UNC13B: variants seen among roughly 807,000 people sequenced by gnomAD.
UNC13B encodes the protein unc-13 homolog B.
UNC13B carries 144 observed loss-of-function variants against 211.0 expected under a neutral mutation model. The ratio of observed to expected loss-of-function variants is 0.68; its 90% CI spans 0.60 to 0.78. The LOEUF is 0.78. Ranked by LOEUF, UNC13B falls within the 30% of genes least tolerant of loss-of-function variation. The pLI, the probability that UNC13B is intolerant of heterozygous loss-of-function variation, is 0.00. For missense variants in UNC13B, 1,777 were observed against 2,002.0 expected, an observed-to-expected ratio of 0.89 and a Z score of 2.14; for synonymous variants, 709 against 725.8, an observed-to-expected ratio of 0.98 and a Z score of 0.37.
intron 7 of UNC13B, among the ~76,000 whole-genome samples, chr9:35,267,946 A>G (rs957628173): frequency 4.6e-5 from 7 of 152,202 alleles, no homozygotes; most frequent in African/African-American, 1.7e-4. Flanking sequence ...TGGGAACTCA[A>G]TTATTCTTGC....
chr9:35,323,483 C>A (rs1264558433), intron 11 of UNC13B, among the ~76,000 whole-genome samples: 1 of 152,192 alleles, frequency 6.6e-6, no homozygotes, highest in African/African-American at 2.4e-5. Flanking sequence ...CTTCAAACTT[C>A]ATGGTAAGCC....
At chr9:35,350,922 T>C (rs1468689182) in intron 11 of UNC13B, among the ~76,000 whole-genome samples, 3 of 152,220 alleles carry the variant, frequency 2.0e-5, no homozygotes, top group Non-Finnish European at 2.9e-5. Context: ...GATTTGAGCC[T>C]TGGTGGTTAA....
At chr9:35,223,876 C>G (rs930478607) in intron 1 of UNC13B, among the ~76,000 whole-genome samples, 2 of 152,086 alleles carry the variant, frequency 1.3e-5, no homozygotes, top group Non-Finnish European at 2.9e-5. Flanking sequence ...TATGGATATT[C>G]AGTTTTCCCA....
intron 1 of UNC13B, among the ~76,000 whole-genome samples, chr9:35,184,805 G>A (rs1427893110): frequency 3.4e-3 from 1 of 290 alleles, no homozygotes; most frequent in African/African-American, 0.014. Context: ...AAGAAGCGGG[G>A]GGGGGGGGGG....
At chr9:35,335,452 A>G (rs544435900) in intron 11 of UNC13B, among the ~76,000 whole-genome samples, 164 of 152,302 alleles carry the variant, frequency 1.1e-3, no homozygotes, top group African/African-American at 3.8e-3. Flanking sequence ...AGCCAAAGGG[A>G]AAGAGGTAAG....
chr9:35,303,040 G>A lies in UNC13B; in HGVS notation c.3636G>A (p.Lys1212=). 2.5e-6 allele frequency: 1 copy of A among 398,686 alleles called. No individual in the cohort carries two copies. The highest frequency in any genetic ancestry group is 4.4e-6 in the Non-Finnish European group (1 of 225,774). 24.7% of individuals were successfully genotyped at this position (398,686 alleles called of 1,614,324 possible). The change falls in exon 9 of 40, where the codon AAG becomes AAA. Residue 1212 remains lysine (K), a synonymous_variant. Coordinates refer to ENST00000635942, the MANE Select transcript of UNC13B (RefSeq NM_001371189.2). The stretch of plus-strand genomic sequence containing the variant: ...AGTTCATGTCTTTAGGCAACATGAA[G>A]AGTTTGAATGGAGATAACCATTTAT... ...EAKFMSLGNM[K]SLNGDNHLSL...
At position 35,403,957 on chromosome 9, in the gene UNC13B, A is replaced by C. The variant is rs1471568632; in HGVS notation, c.12947A>C (p.Gln4316Pro). The C allele has an allele frequency of 1.2e-6, 2 of 1,614,096 alleles. No individual in the cohort carries two copies. The highest frequency in any genetic ancestry group is 3.3e-5 in the Admixed American group (2 of 60,028). Reference protein sequence around the residue: ...TGLTILRILSQRSNDEVAREF... With the variant: ...TGLTILRILSPRSNDEVAREF... ...CTGACCATTCTCCGGATTTTATCTC[A>C]GAGGAGCAATGACGAGGTGGCCCGA... The change falls in exon 40 of 40, where the codon CAG (glutamine) becomes CCG (proline). Residue 4316 changes from glutamine (Q) to proline (P), a missense_variant. Coordinates refer to ENST00000635942, the MANE Select transcript of UNC13B (RefSeq NM_001371189.2).
At chr9:35,217,911 G>T (rs1479059321) in intron 1 of UNC13B, among the ~76,000 whole-genome samples, 1 of 152,132 alleles carries the variant, frequency 6.6e-6, no homozygotes, top group Non-Finnish European at 1.5e-5. Context: ...AGGCGTGGTG[G>T]CAGGTACCTA....
intron 11 of UNC13B, among the ~76,000 whole-genome samples, chr9:35,365,757 A>C (rs1046902093): frequency 4.6e-5 from 7 of 152,128 alleles, no homozygotes; most frequent in African/African-American, 1.7e-4. Context: ...TCCCATTACC[A>C]ATATCATCCT....
At chr9:35,345,893 C>T (rs938877801) in intron 11 of UNC13B, among the ~76,000 whole-genome samples, 4 of 152,088 alleles carry the variant, frequency 2.6e-5, no homozygotes, top group Non-Finnish European at 5.9e-5. Flanking sequence ...AGATTGTCTC[C>T]CTTCTTGGAT....
chr9:35,198,218 G>A (rs1823053555), intron 1 of UNC13B, among the ~76,000 whole-genome samples: 1 of 152,218 alleles, frequency 6.6e-6, no homozygotes, highest in Non-Finnish European at 1.5e-5. Context: ...GATCATGGGA[G>A]CGGAGTTCTC....
chr9:35,214,664 T>C (rs1824159773), intron 1 of UNC13B, among the ~76,000 whole-genome samples: 1 of 151,928 alleles, frequency 6.6e-6, no homozygotes, highest in Non-Finnish European at 1.5e-5. Flanking sequence ...AGAAGTTCTC[T>C]AGGGGGGAAA....
intron 7 of UNC13B, among the ~76,000 whole-genome samples, chr9:35,279,762 G>A (rs552641192): frequency 1.3e-5 from 2 of 152,314 alleles, no homozygotes; most frequent in South Asian, 2.1e-4. Context: ...TGCCCACTAT[G>A]GAGGCTGTAC....
chr9:35,260,280 G>A (rs1435094874), intron 7 of UNC13B, among the ~76,000 whole-genome samples: 3 of 152,084 alleles, frequency 2.0e-5, no homozygotes, highest in Non-Finnish European at 4.4e-5. Context: ...TATGCCAGAT[G>A]CCATTCTGAG....
chr9:35,292,048 G>C (rs866898767), intron 7 of UNC13B, among the ~76,000 whole-genome samples: 52 of 152,246 alleles, frequency 3.4e-4, no homozygotes, highest in African/African-American at 1.3e-3. Context: ...GGCATAAATG[G>C]GTTAACAGAG....
chr9:35,349,724 T>G (rs1832596945), intron 11 of UNC13B, among the ~76,000 whole-genome samples: 2 of 152,238 alleles, frequency 1.3e-5, no homozygotes, highest in African/African-American at 4.8e-5. Flanking sequence ...CTTGGCCTAG[T>G]TATTTCTAGT....
At chr9:35,388,201 A>G (rs1835305022) in intron 24 of UNC13B, among the ~76,000 whole-genome samples, 1 of 152,180 alleles carries the variant, frequency 6.6e-6, no homozygotes, top group African/African-American at 2.4e-5. Flanking sequence ...TGAGGTCAGG[A>G]GTTTGAAACT....
intron 14 of UNC13B, among the ~76,000 whole-genome samples, chr9:35,375,520 A>C (rs1834343400): frequency 6.6e-6 from 1 of 152,164 alleles, no homozygotes; most frequent in Non-Finnish European, 1.5e-5. Context: ...ATCAGGTCCA[A>C]CCTGTGTTGG....
rs781304597 is a variant in UNC13B at position 35,349,216 on chromosome 9, G to A, written c.9415-17731G>A. Among the ~76,000 whole-genome samples the A allele has an allele frequency of 7.2e-5, 11 of 152,018 alleles. 1 individual carries two copies. Among genetic ancestry groups the A allele is most frequent in the African/African-American group, 1.4e-4 (6 of 41,400 alleles). ...CAGGCGAGAGCCACCACGCCCAGCC[G>A]CAGTACTTCTTTTTTAAAGACAAAT... is the stretch of plus-strand genomic sequence containing the variant. On this transcript the variant is annotated intron_variant, in intron 11 of 39. Transcript: ENST00000635942.
Sources: allele counts gnomAD v4.1 joint callset (sites outside exome capture counted in the v4.1 genomes callset), GRCh38; gene constraint gnomAD v4.1.1; transcripts MANE v1.5; gene names NCBI Gene and HGNC (gene_info 2026-07-23, HGNC 2026-07-21).